The following THSD7B variants were observed in gnomAD, a reference collection of about 807,000 sequenced individuals.
The protein encoded by THSD7B is thrombospondin type 1 domain containing 7B.
Under a neutral mutation model 213.6 loss-of-function variants are expected in THSD7B, and 138 were observed. The ratio of observed to expected loss-of-function variants is 0.65; its 90% CI spans 0.56 to 0.74. THSD7B has a LOEUF of 0.74. Among genes scored for constraint, THSD7B ranks in the 30% least tolerant of loss-of-function variants. The pLI, the probability that THSD7B is intolerant of heterozygous loss-of-function variation, is 0.00. For missense variants in THSD7B, 1,931 were observed against 1,991.5 expected, an observed-to-expected ratio of 0.97 and a Z score of 0.58; for synonymous variants, 742 against 687.0, an observed-to-expected ratio of 1.08 and a Z score of -1.25.
chr2:137,185,260 C>A (rs563128805), intron 7 of THSD7B, among the ~76,000 whole-genome samples: 1 of 150,032 alleles, frequency 6.7e-6, no homozygotes, highest in African/African-American at 2.5e-5. Context: ...TTTTTTTCAA[C>A]TTTTATTTTA....
intron 15 of THSD7B, among the ~76,000 whole-genome samples, chr2:137,530,631 A>C (rs190974764): frequency 6.6e-6 from 1 of 152,110 alleles, no homozygotes; most frequent in African/African-American, 2.4e-5. Flanking sequence ...AACTGCAGGC[A>C]AAATTGGAAG....
chr2:137,314,604 T>A (rs1200002263), intron 12 of THSD7B, among the ~76,000 whole-genome samples: 2 of 152,214 alleles, frequency 1.3e-5, no homozygotes, highest in African/African-American at 4.8e-5. Flanking sequence ...AGTTTCCAGT[T>A]TTTCTGCTCT....
intron 5 of THSD7B, among the ~76,000 whole-genome samples, chr2:137,148,019 TC>T (rs1679737674): frequency 6.6e-6 from 1 of 152,132 alleles, no homozygotes; most frequent in South Asian, 2.1e-4. Context: ...TTTAGCTGTG[TC>T]CCCACCCAAA....
chr2:137,552,060 C>A (rs1008267887), intron 15 of THSD7B, among the ~76,000 whole-genome samples: 2 of 152,150 alleles, frequency 1.3e-5, no homozygotes, highest in African/African-American at 4.8e-5. Context: ...CATCTTCCCA[C>A]AAATAATTGC....
chr2:137,072,024 T>C (rs1380005735), intron 3 of THSD7B, among the ~76,000 whole-genome samples: 3 of 152,222 alleles, frequency 2.0e-5, no homozygotes, highest in African/African-American at 7.2e-5. Flanking sequence ...TGTAGTATAG[T>C]TTGAAGTCAG....
intron 20 of THSD7B, among the ~76,000 whole-genome samples, chr2:137,624,375 C>G (rs1682582397): frequency 1.3e-5 from 2 of 152,154 alleles, no homozygotes; most frequent in African/African-American, 4.8e-5. Flanking sequence ...CATAAAAACC[C>G]TAGAAGAAAA....
In THSD7B at chr2:137,149,505, C is replaced by A. The variant is rs186248224; in HGVS notation, c.1370-10708C>A. 3.0e-3 allele frequency among the ~76,000 whole-genome samples: 457 copies of A among 152,266 alleles called. 3 individuals are homozygous for A. The highest frequency in any genetic ancestry group is 0.01 in the African/African-American group (429 of 41,550). ...CCCATGAGCCTTCCTGTTCTCTGTA[C>A]CTGGAAAAGCTGCAGACACTCAATG... On this transcript the variant is annotated intron_variant, in intron 5 of 27. Transcript: ENST00000409968.
intron 12 of THSD7B, among the ~76,000 whole-genome samples, chr2:137,319,441 T>A (rs1202907561): frequency 6.6e-6 from 1 of 152,194 alleles, no homozygotes; most frequent in Non-Finnish European, 1.5e-5. Context: ...TAGTCTTGCT[T>A]TTTTCTCTTA....
intron 12 of THSD7B, among the ~76,000 whole-genome samples, chr2:137,282,954 A>C (rs985674957): frequency 6.6e-6 from 1 of 152,214 alleles, no homozygotes; most frequent in Non-Finnish European, 1.5e-5. Flanking sequence ...AGTCATTGGT[A>C]GCTTGATGGG....
chr2:136,892,559 T>C (rs1683880730), intron 2 of THSD7B, among the ~76,000 whole-genome samples: 1 of 135,738 alleles, frequency 7.4e-6, no homozygotes, highest in Non-Finnish European at 1.6e-5. Flanking sequence ...CAACATTTAG[T>C]CCCCAGTATT....
At chr2:137,065,770 A>G (rs1221689945) in intron 3 of THSD7B, among the ~76,000 whole-genome samples, 1 of 152,128 alleles carries the variant, frequency 6.6e-6, no homozygotes, top group Non-Finnish European at 1.5e-5. Flanking sequence ...TCCAAAGCCC[A>G]CTTTCAAATA....
At chr2:137,320,721 G>C (rs1291783262) in intron 12 of THSD7B, among the ~76,000 whole-genome samples, 2 of 152,228 alleles carry the variant, frequency 1.3e-5, no homozygotes, top group African/African-American at 4.8e-5. Flanking sequence ...AATGGAAAGA[G>C]ATGTGTTCAA....
intron 15 of THSD7B, among the ~76,000 whole-genome samples, chr2:137,511,462 GGTT>G (rs1558822383): frequency 6.6e-6 from 1 of 152,164 alleles, no homozygotes; most frequent in East Asian, 1.9e-4. Flanking sequence ...GCAACCAAAG[GGTT>G]GTTGTGTTTT....
intron 27 of THSD7B, among the ~76,000 whole-genome samples, chr2:137,668,565 C>T (rs888001361): frequency 1.3e-5 from 2 of 151,880 alleles, no homozygotes; most frequent in African/African-American, 2.4e-5. Context: ...TGAAACCAGA[C>T]AGAAGTAAAT....
At chr2:137,186,048 G>C (rs1417705368) in intron 7 of THSD7B, among the ~76,000 whole-genome samples, 1 of 152,090 alleles carries the variant, frequency 6.6e-6, no homozygotes, top group African/African-American at 2.4e-5. Flanking sequence ...AGAAGTATCT[G>C]TTCATATCCT....
rs1331821244 is a variant in THSD7B at position 137,303,728 on chromosome 2, T to TTA, written c.2500+27712_2500+27713dup. Among the ~76,000 whole-genome samples, 9 of 136,760 alleles carry TTA rather than the reference T, an allele frequency of 6.6e-5. 1 individual carries two copies. Among genetic ancestry groups the TTA allele is most frequent in the African/African-American group, 2.4e-4 (8 of 33,758 alleles). The allele number at this position is 136,760 out of a possible 152,430, so 89.7% of individuals were successfully genotyped here. A position where few individuals can be genotyped will look rare whatever the true frequency, so the allele number is the denominator to read the frequency against. On this transcript the variant is annotated intron_variant, in intron 12 of 27. Transcript: ENST00000409968. ...TTTATATATATATTTATATATATAT[T>TTA]TATATATATATTTATATATATATAC...
At chr2:136,782,627 G>T (rs1558803495) in intron 1 of THSD7B, among the ~76,000 whole-genome samples, 1 of 151,986 alleles carries the variant, frequency 6.6e-6, no homozygotes, top group Non-Finnish European at 1.5e-5. Flanking sequence ...GGTGGTTGGG[G>T]GGTTGGGGAG....
At chr2:136,987,335 A>G (rs894240326) in intron 2 of THSD7B, among the ~76,000 whole-genome samples, 2 of 152,212 alleles carry the variant, frequency 1.3e-5, no homozygotes, top group African/African-American at 4.8e-5. Flanking sequence ...GTGGAGAACC[A>G]CTGGGGCTAT....
At chr2:136,967,546 T>C (rs922618737) in intron 2 of THSD7B, among the ~76,000 whole-genome samples, 2 of 152,320 alleles carry the variant, frequency 1.3e-5, no homozygotes, top group South Asian at 2.1e-4. Context: ...ATTTTCTTTC[T>C]CCCAATCTTT....
Sources: allele counts gnomAD v4.1 joint callset (sites outside exome capture counted in the v4.1 genomes callset), GRCh38; gene constraint gnomAD v4.1.1; transcripts MANE v1.5; gene names NCBI Gene and HGNC (gene_info 2026-07-23, HGNC 2026-07-21).